TMEM150C: variants seen among roughly 807,000 people sequenced by gnomAD.
The protein encoded by TMEM150C is tentonin 3.
Under a neutral mutation model 29.9 loss-of-function variants are expected in TMEM150C, and 10 were observed. The observed-to-expected ratio is 0.33, with a 90% confidence interval of 0.21 to 0.57. The LOEUF is 0.57. Ranked by LOEUF, TMEM150C falls within the 20% of genes least tolerant of loss-of-function variation. The pLI is 0.88. For synonymous variants in TMEM150C, 101 were observed against 112.5 expected (o/e 0.90, Z 0.64); for missense variants, 251 against 303.6 (o/e 0.83, Z 1.29).
At position 82,485,663 on chromosome 4, in the gene TMEM150C, G is replaced by C. The variant is rs778948081; in HGVS notation, c.598C>G (p.Leu200Val). The C allele has an allele frequency of 6.2e-7, 1 of 1,609,872 alleles. No homozygotes were observed. The highest frequency in any genetic ancestry group is 1.1e-5 in the South Asian group (1 of 89,930). ...AAATAAGACAGGAAGCACATGACCA[G>C]GCCCCACTGGACCCTGGCTGCATAC... is the stretch of plus-strand genomic sequence containing the variant. The part of the protein sequence containing the change: ...HMYAARVQWG[L>V]VMCFLSYFGT... Residue 200 changes from leucine to valine, a missense_variant, in exon 8 of 8, where the codon CTG (leucine) becomes GTG (valine). Physicochemically the swap from Leu to Val is conservative, Grantham distance 32 (BLOSUM62 1). Transcript: ENST00000449862.
intron 1 of TMEM150C, among the ~76,000 whole-genome samples, chr4:82,540,114 CTTTTTTTTTTTTTTTTTTTT>C (rs577728662): frequency 0.018 from 864 of 47,254 alleles, 12 homozygotes; most frequent in Non-Finnish European, 0.031. Flanking sequence ...TCTACCTATT[CTTTTTTTTTTTTTTTTTTTT>C]TTTTTTTTTT....
At chr4:82,518,840 C>T (rs1051636237) in intron 1 of TMEM150C, among the ~76,000 whole-genome samples, 1 of 152,192 alleles carries the variant, frequency 6.6e-6, no homozygotes, top group Non-Finnish European at 1.5e-5. Context: ...AAAAAATGGA[C>T]TGAGAGAATA....
At chr4:82,543,930 C>T (rs1024071377) in intron 1 of TMEM150C, among the ~76,000 whole-genome samples, 2 of 152,196 alleles carry the variant, frequency 1.3e-5, no homozygotes, top group African/African-American at 2.4e-5. Flanking sequence ...GGGAGGCCTA[C>T]AGATCCTCCT....
chr4:82,505,160 T>C (rs909882600), intron 1 of TMEM150C, among the ~76,000 whole-genome samples: 1 of 152,246 alleles, frequency 6.6e-6, no homozygotes, highest in East Asian at 1.9e-4. Flanking sequence ...TGGATGATTG[T>C]TATCTAGCTT....
At chr4:82,503,633 G>A (rs1037730562) in intron 2 of TMEM150C, among the ~76,000 whole-genome samples, 3 of 152,212 alleles carry the variant, frequency 2.0e-5, no homozygotes, top group South Asian at 2.1e-4. Flanking sequence ...GGCAGATCAC[G>A]AGGTCAGGAG....
intron 1 of TMEM150C, among the ~76,000 whole-genome samples, chr4:82,509,312 C>T (rs946872747): frequency 2.6e-5 from 4 of 152,162 alleles, no homozygotes; most frequent in Non-Finnish European, 5.9e-5. Context: ...ATGAGGTCTG[C>T]AGAGGCTCCC....
At chr4:82,511,671 T>C (rs1298732154) in intron 1 of TMEM150C, among the ~76,000 whole-genome samples, 1 of 152,046 alleles carries the variant, frequency 6.6e-6, no homozygotes, top group Non-Finnish European at 1.5e-5. Flanking sequence ...CTCATCATAT[T>C]GCCCAGGCTG....
At chr4:82,497,009 C>T (rs1723579177) in intron 5 of TMEM150C, among the ~76,000 whole-genome samples, 2 of 152,252 alleles carry the variant, frequency 1.3e-5, no homozygotes, top group Middle Eastern at 6.8e-3. Flanking sequence ...ATATTAATTA[C>T]TCATTTTAAA....
At chr4:82,502,608 C>T (rs531976149) in intron 5 of TMEM150C, 119 bp downstream of exon 5, 867 of 985,148 alleles carry the variant, frequency 8.8e-4, no homozygotes, top group Non-Finnish European at 1.2e-3. Context: ...AGCATATTGA[C>T]ATCGTATGAT....
intron 1 of TMEM150C, among the ~76,000 whole-genome samples, chr4:82,507,646 TTGA>T (rs1723968681): frequency 1.3e-5 from 2 of 151,466 alleles, no homozygotes; most frequent in Non-Finnish European, 2.9e-5. Context: ...CTGCCTTGGC[TTGA>T]CAAGTTCAGA....
At chr4:82,537,549 T>A (rs922005069) in intron 1 of TMEM150C, among the ~76,000 whole-genome samples, 1 of 152,208 alleles carries the variant, frequency 6.6e-6, no homozygotes, top group Non-Finnish European at 1.5e-5. Flanking sequence ...CTAAGCGTAC[T>A]GGACTGAATT....
chr4:82,536,282 C>T (rs1041547352), intron 1 of TMEM150C, among the ~76,000 whole-genome samples: 4 of 146,992 alleles, frequency 2.7e-5, no homozygotes, highest in African/African-American at 7.6e-5. Context: ...CGCTTGAACC[C>T]GGGAGGCGGA....
At chr4:82,520,881 TAAAC>T (rs1390203524) in intron 1 of TMEM150C, among the ~76,000 whole-genome samples, 2 of 151,978 alleles carry the variant, frequency 1.3e-5, no homozygotes, top group Non-Finnish European at 2.9e-5. Flanking sequence ...TCTCTAAAAA[TAAAC>T]AAACAAAACA....
intron 7 of TMEM150C, among the ~76,000 whole-genome samples, chr4:82,488,180 C>T (rs1723222558): frequency 6.6e-6 from 1 of 152,168 alleles, no homozygotes; most frequent in Non-Finnish European, 1.5e-5. Flanking sequence ...TGAGTGAGAA[C>T]ACAGGATGTT....
intron 1 of TMEM150C, among the ~76,000 whole-genome samples, chr4:82,518,238 C>T (rs1306595177): frequency 6.6e-6 from 1 of 152,104 alleles, no homozygotes; most frequent in Non-Finnish European, 1.5e-5. Flanking sequence ...ATTGCTTGAA[C>T]CCGGGAGGTG....
At chr4:82,504,728 A>G in intron 1 of TMEM150C, 61 bp from the exon 2 acceptor site, 2 of 1,443,906 alleles carry the variant, frequency 1.4e-6, no homozygotes, top group Non-Finnish European at 1.9e-6. Context: ...CTCTTTCAAG[A>G]TAGAAAGTTT....
intron 5 of TMEM150C, among the ~76,000 whole-genome samples, chr4:82,500,156 A>G (rs977290599): frequency 2.0e-5 from 3 of 152,242 alleles, no homozygotes; most frequent in African/African-American, 7.2e-5. Context: ...TGAGCATTCA[A>G]TCTTTGATTA....
intron 1 of TMEM150C, among the ~76,000 whole-genome samples, chr4:82,537,140 C>A (rs1192207367): frequency 2.6e-5 from 4 of 152,078 alleles, no homozygotes; most frequent in African/African-American, 7.2e-5. Flanking sequence ...AGCCACCACA[C>A]CCGGCTAATT....
chr4:82,523,190 G>T (rs1724541651), intron 1 of TMEM150C, among the ~76,000 whole-genome samples: 1 of 152,114 alleles, frequency 6.6e-6, no homozygotes, highest in African/African-American at 2.4e-5. Flanking sequence ...AAAGAGAAAG[G>T]CAGAAGGAAG....
Sources: allele counts gnomAD v4.1 joint callset (sites outside exome capture counted in the v4.1 genomes callset), GRCh38; gene constraint gnomAD v4.1.1; transcripts MANE v1.5; gene names NCBI Gene and HGNC (gene_info 2026-07-23, HGNC 2026-07-21).